TOGARAM1: variants seen among roughly 807,000 people sequenced by gnomAD.
TOGARAM1 encodes the protein TOG array regulator of axonemal microtubules protein 1.
Under a neutral mutation model 166.6 loss-of-function variants are expected in TOGARAM1, and 100 were observed. The observed-to-expected ratio is 0.60, with a 90% CI of 0.51 to 0.71. The LOEUF (loss-of-function observed/expected upper bound fraction) is 0.71. TOGARAM1 is among the 30% of genes least tolerant of loss of function. TOGARAM1 has a pLI of 0.00. For missense variants in TOGARAM1, 2,029 were observed against 2,102.7 expected, an observed-to-expected ratio of 0.96 and a Z score of 0.69; for synonymous variants, 758 against 763.8, an observed-to-expected ratio of 0.99 and a Z score of 0.13.
intron 11 of TOGARAM1, among the ~76,000 whole-genome samples, chr14:45,037,390 A>G (rs931839290): frequency 3.3e-5 from 5 of 152,236 alleles, no homozygotes; most frequent in Admixed American, 3.3e-4. Context: ...ATATGATCAC[A>G]GGGAGTGATA....
intron 5 of TOGARAM1, among the ~76,000 whole-genome samples, chr14:45,008,398 C>G (rs1042559484): frequency 6.6e-6 from 1 of 151,934 alleles, no homozygotes; most frequent in South Asian, 2.1e-4. Context: ...ACCACCATGC[C>G]CAGCTGCATT....
intron 13 of TOGARAM1, among the ~76,000 whole-genome samples, chr14:45,045,509 T>G (rs1881941901): frequency 7.4e-6 from 1 of 135,004 alleles, no homozygotes; most frequent in African/African-American, 2.7e-5. Context: ...TTAATTCATT[T>G]TAATGGCAGA....
At chr14:44,970,191 T>C (rs1042111032) in intron 1 of TOGARAM1, among the ~76,000 whole-genome samples, 1 of 152,236 alleles carries the variant, frequency 6.6e-6, no homozygotes, top group Non-Finnish European at 1.5e-5. Context: ...TCTCTTCATT[T>C]ATTTAGCTCT....
chr14:45,009,407 T>G (rs188245547), intron 6 of TOGARAM1, among the ~76,000 whole-genome samples: 41 of 152,288 alleles, frequency 2.7e-4, no homozygotes, highest in Non-Finnish European at 4.4e-4. Flanking sequence ...CCCTAGTTGT[T>G]CTTTTTGTCT....
rs1359400510 is a variant in TOGARAM1 at position 44,963,184 on chromosome 14, G to A, written c.763G>A (p.Glu255Lys). 1 of 1,614,056 alleles carries A rather than the reference G, an allele frequency of 6.2e-7. No homozygotes were observed. Among genetic ancestry groups the A allele is most frequent in the Admixed American group, 1.7e-5 (1 of 59,998 alleles). The change falls in exon 1 of 20, where the codon GAG becomes AAG. Residue 255 changes from glutamate (E) to lysine (K), a missense_variant. Around this residue, in one of 2 missense-constraint regions of TOGARAM1, gnomAD observed 1,453 missense variants for 1,432.2 expected, o/e 1.01. Transcript: ENST00000361462. The part of the protein sequence containing the change: ...EDLLLGLDLT[E>K]VIISLARKLG... The stretch of plus-strand genomic sequence containing the variant: ...CTTGTTGCTTGGTCTGGATCTCACC[G>A]AGGTGATAATATCCCTAGCCCGAAA...
chr14:45,000,851 A>G (rs764843545), intron 3 of TOGARAM1, among the ~76,000 whole-genome samples: 9 of 152,112 alleles, frequency 5.9e-5, no homozygotes, highest in Non-Finnish European at 5.9e-5. Context: ...CTCCTACCTC[A>G]GCCTCCCAAG....
In TOGARAM1 at chr14:44,985,501, A is replaced by G. The variant is rs576406434; in HGVS notation, c.2047-10245A>G. On this transcript the variant is annotated intron_variant, in intron 1 of 19. Coordinates refer to ENST00000361462, the MANE Select transcript of TOGARAM1 (RefSeq NM_001308120.2). ...TGAACCTGTTCCACCTCAAATCATC[A>G]GACGTTAGATTCTTAGAAGGAGTGT... 4.6e-5 allele frequency among the ~76,000 whole-genome samples: 7 copies of G among 152,338 alleles called. No individual in the cohort carries two copies. In the South Asian group the frequency reaches 1.5e-3, roughly 32 times the overall value.
chr14:45,013,634 AAGGGT>A (rs770400100), intron 7 of TOGARAM1, among the ~76,000 whole-genome samples: 2 of 152,234 alleles, frequency 1.3e-5, no homozygotes, highest in Non-Finnish European at 2.9e-5. Flanking sequence ...AAACCTTGAG[AAGGGT>A]AGTGAAAATC....
chr14:44,974,956 G>A (rs1886098801), intron 1 of TOGARAM1, among the ~76,000 whole-genome samples: 1 of 152,038 alleles, frequency 6.6e-6, no homozygotes, highest in African/African-American at 2.4e-5. Context: ...TAAGGTGAGG[G>A]AGGGGGGAAG....
chr14:45,060,310 G>C (rs1033961047), intron 16 of TOGARAM1, among the ~76,000 whole-genome samples: 1 of 151,242 alleles, frequency 6.6e-6, no homozygotes, highest in Non-Finnish European at 1.5e-5. Flanking sequence ...CCACCTTTTG[G>C]GTTCCAGTGA....
chr14:45,020,065 G>A (rs563469788), intron 7 of TOGARAM1, among the ~76,000 whole-genome samples: 1 of 152,226 alleles, frequency 6.6e-6, no homozygotes, highest in East Asian at 1.9e-4. Context: ...CTTCGATTCT[G>A]GAAGAGACCA....
chr14:45,027,152 G>C (rs984333495), intron 8 of TOGARAM1, 147 bp from the exon 9 acceptor site: 3 of 735,238 alleles, frequency 4.1e-6, no homozygotes, highest in Non-Finnish European at 6.5e-6. Flanking sequence ...TAGGGTATTT[G>C]TTTTTATATT....
rs201466273 is a variant in TOGARAM1 at position 44,980,840 on chromosome 14, G to T, written c.2047-14906G>T. ...GTTTGTTTCTCTTTTGGGGGAGGGG[G>T]TCTTTTCTTTTTAAAACAATGTTTA... is the stretch of plus-strand genomic sequence containing the variant. On this transcript the variant is annotated intron_variant, in intron 1 of 19. Coordinates refer to ENST00000361462, the MANE Select transcript of TOGARAM1 (RefSeq NM_001308120.2). Among the ~76,000 whole-genome samples the T allele has an allele frequency of 8.5e-5, 13 of 152,252 alleles. No homozygotes were observed. The East Asian group carries it at 2.3e-3, about 27-fold the overall frequency.
chr14:45,020,059 G>A (rs976872096), intron 7 of TOGARAM1, among the ~76,000 whole-genome samples: 1 of 152,106 alleles, frequency 6.6e-6, no homozygotes, highest in African/African-American at 2.4e-5. Flanking sequence ...TTACCGCTTC[G>A]ATTCTGGAAG....
At position 45,066,701 on chromosome 14, in the gene TOGARAM1, T is replaced by C. The variant is rs1260423431; in HGVS notation, c.4683T>C (p.Asn1561=). ...LNAKDFRDRI[N]GIKQLLSDTE... ...CAAAAGACTTTCGTGATCGTATTAATGGGATTAAGCAGCTTTTATCAGATA... is the reference window on the plus strand; with the variant it reads ...CAAAAGACTTTCGTGATCGTATTAACGGGATTAAGCAGCTTTTATCAGATA... The change falls in exon 17 of 20, where the codon AAT becomes AAC. Residue 1561 remains asparagine (N), a synonymous_variant. Transcript: ENST00000361462. 1 of 1,613,950 alleles carries C rather than the reference T, an allele frequency of 6.2e-7. No individual in the cohort carries two copies.
intron 2 of TOGARAM1, among the ~76,000 whole-genome samples, chr14:44,998,344 G>A (rs1887532748): frequency 1.3e-5 from 2 of 152,226 alleles, no homozygotes; most frequent in African/African-American, 2.4e-5. Flanking sequence ...TACAAATACT[G>A]TAAGGATTCA....
chr14:45,012,667 G>A (rs920111679), intron 7 of TOGARAM1, among the ~76,000 whole-genome samples: 16 of 152,092 alleles, frequency 1.1e-4, no homozygotes, highest in East Asian at 1.9e-4. Context: ...GTAAAACTAC[G>A]TTGAATTGTG....
chr14:45,028,197 T>A lies in TOGARAM1; in HGVS notation c.3526T>A (p.Ser1176Thr). Reference sequence around the variant, plus strand: ...GCAGGCTAAAGTTTCTATTTCTAAATCTACTTATAACAAGATGAGACAAAA... The same window carrying A: ...GCAGGCTAAAGTTTCTATTTCTAAAACTACTTATAACAAGATGAGACAAAA... ...EKDAKVSISK[S>T]TYNKMRQKRK... The change falls in exon 10 of 20, where the codon TCT becomes ACT. Residue 1176 changes from serine (S) to threonine (T), a missense_variant. Ser to Thr is a moderately conservative substitution (Grantham distance 58). Around this residue, in one of 2 missense-constraint regions of TOGARAM1, gnomAD observed 1,453 missense variants for 1,432.2 expected, o/e 1.01. Transcript: ENST00000361462. 6.4e-7 allele frequency: 1 copy of A among 1,574,350 alleles called. No homozygotes were observed. The highest frequency in any genetic ancestry group is 1.2e-5 in the South Asian group (1 of 83,304).
chr14:45,034,825 T>G (rs1881341679), intron 11 of TOGARAM1, among the ~76,000 whole-genome samples: 1 of 151,780 alleles, frequency 6.6e-6, no homozygotes, highest in South Asian at 2.1e-4. Context: ...ATAGCTAAAG[T>G]GAAATTACCA....
Sources: allele counts gnomAD v4.1 joint callset (sites outside exome capture counted in the v4.1 genomes callset), GRCh38; gene constraint gnomAD v4.1.1; regional missense constraint gnomAD v4.1.1; transcripts MANE v1.5; gene names NCBI Gene and HGNC (gene_info 2026-07-23, HGNC 2026-07-21).